STPG1: variants seen among roughly 807,000 people sequenced by gnomAD.
STPG1 encodes O(6)-methylguanine-induced apoptosis 2.
Under a neutral mutation model 40.1 loss-of-function variants are expected in STPG1, and 33 were observed. That is an observed-to-expected ratio of 0.82 (90% confidence interval 0.62 to 1.10). The LOEUF (loss-of-function observed/expected upper bound fraction) is 1.10, where lower values mean the gene tolerates loss of function less well. STPG1 is among the 50% of genes least tolerant of loss of function. The pLI is 0.00. For synonymous variants in STPG1, 150 were observed against 155.0 expected (o/e 0.97, Z 0.24); for missense variants, 396 against 415.1 (o/e 0.95, Z 0.40).
At chr1:24,395,786 G>A (rs1351457475) in intron 2 of STPG1, among the ~76,000 whole-genome samples, 2 of 151,954 alleles carry the variant, frequency 1.3e-5, no homozygotes, top group Non-Finnish European at 2.9e-5. Context: ...ATTACTGGCC[G>A]GGTGTGGTAG....
intron 7 of STPG1, among the ~76,000 whole-genome samples, chr1:24,361,553 C>T (rs1460869287): frequency 3.3e-5 from 5 of 152,242 alleles, no homozygotes; most frequent in South Asian, 4.2e-4. Flanking sequence ...GATTTGCCAT[C>T]CCAAGACCAG....
chr1:24,402,416 G>A (rs539070331), intron 1 of STPG1, among the ~76,000 whole-genome samples: 1 of 145,660 alleles, frequency 6.9e-6, no homozygotes, highest in East Asian at 2.1e-4. Flanking sequence ...ATATTTTCAT[G>A]TGCTTATTTA....
chr1:24,412,789 C>T (rs150398849), intron 1 of STPG1, among the ~76,000 whole-genome samples: 114 of 152,300 alleles, frequency 7.5e-4, no homozygotes, highest in Non-Finnish European at 1.2e-3. Context: ...TAGAGGTAGA[C>T]ACCTTTTAGC....
chr1:24,397,374 A>G (rs946696153), intron 2 of STPG1, among the ~76,000 whole-genome samples: 1 of 152,190 alleles, frequency 6.6e-6, no homozygotes, highest in African/African-American at 2.4e-5. Flanking sequence ...AATTCCATAC[A>G]AGCTGTCCCA....
intron 7 of STPG1, among the ~76,000 whole-genome samples, chr1:24,362,298 G>T (rs1292657663): frequency 6.6e-6 from 1 of 152,174 alleles, no homozygotes; most frequent in East Asian, 1.9e-4. Context: ...CAAAGTAACC[G>T]ATCCAGTTAT....
intron 7 of STPG1, 78 bp from the exon 8 acceptor site, chr1:24,361,119 C>A: frequency 7.6e-7 from 1 of 1,309,624 alleles, no homozygotes; most frequent in South Asian, 1.5e-5. Flanking sequence ...ACAGCCAAGA[C>A]CTGCACAGCA....
chr1:24,382,157 T>G (rs1012059835), intron 4 of STPG1, among the ~76,000 whole-genome samples: 1 of 152,284 alleles, frequency 6.6e-6, no homozygotes, highest in Admixed American at 6.5e-5. Flanking sequence ...CCCCTTCTCC[T>G]CCAGATAGTC....
intron 5 of STPG1, 177 bp downstream of exon 5, chr1:24,379,476 G>A (rs185891754): frequency 4.5e-5 from 29 of 642,710 alleles, no homozygotes; most frequent in Middle Eastern, 4.3e-4. Context: ...GATCTCTGGG[G>A]TCTGCAAATT....
At position 24,357,889 on chromosome 1, in the gene STPG1, C is replaced by A; in HGVS notation, c.*654G>T. 3.1e-6 allele frequency: 1 copy of A among 320,126 alleles called. No individual in the cohort carries two copies. The highest frequency in any genetic ancestry group is 5.5e-4 in the Middle Eastern group (1 of 1,830). 19.8% of individuals were successfully genotyped at this position (320,126 alleles called of 1,614,324 possible). A position where few individuals can be genotyped will look rare whatever the true frequency, so the allele number is the denominator to read the frequency against. On this transcript the variant is annotated 3_prime_UTR_variant, in exon 9 of 9. Transcript: ENST00000337248. Reference sequence around the variant, plus strand: ...TCAGGGAAAAGCGCAGCCCCCGGGCCCGGCCACTGCCATTCCAAGATGATC... The same window carrying A: ...TCAGGGAAAAGCGCAGCCCCCGGGCACGGCCACTGCCATTCCAAGATGATC...
intron 4 of STPG1, among the ~76,000 whole-genome samples, chr1:24,382,620 T>C (rs1211108997): frequency 6.6e-6 from 1 of 152,222 alleles, no homozygotes; most frequent in Admixed American, 6.5e-5. Context: ...GGTAGAGGCA[T>C]GGCTGTTCTG....
chr1:24,377,542 A>G (rs748068976), intron 5 of STPG1, among the ~76,000 whole-genome samples: 13 of 152,032 alleles, frequency 8.6e-5, no homozygotes, highest in Non-Finnish European at 1.6e-4. Flanking sequence ...TCAGTCTCGG[A>G]GCCTTCTCTG....
In STPG1 at chr1:24,357,121, T is replaced by C. The variant is rs1309962657; in HGVS notation, c.*1422A>G. The C allele has an allele frequency of 6.9e-6, 1 of 144,912 alleles. No homozygotes were observed. Among genetic ancestry groups the C allele is most frequent in the African/African-American group, 2.5e-5 (1 of 40,036 alleles). 9.0% of individuals were successfully genotyped at this position (144,912 alleles called of 1,614,324 possible). On this transcript the variant is annotated 3_prime_UTR_variant, in exon 9 of 9. Coordinates refer to ENST00000337248, the MANE Select transcript of STPG1 (RefSeq NM_001199013.2). ...AAAGACAGGATTCGTATTACTGATG[T>C]TTCCTTTTGCCTCGGGTTCCCATTA... is the stretch of plus-strand genomic sequence containing the variant.
chr1:24,368,435 C>T (rs562750938), intron 7 of STPG1, among the ~76,000 whole-genome samples: 1 of 152,250 alleles, frequency 6.6e-6, no homozygotes, highest in South Asian at 2.1e-4. Flanking sequence ...GGCCAGCCCT[C>T]CCAGTGGCCA....
chr1:24,398,344 C>A (rs1643088202), intron 2 of STPG1, among the ~76,000 whole-genome samples: 1 of 151,972 alleles, frequency 6.6e-6, no homozygotes, highest in Non-Finnish European at 1.5e-5. Context: ...CTTTGTTAAT[C>A]TGATAAAAGG....
chr1:24,369,727 A>C lies in STPG1; in HGVS notation c.684T>G (p.Pro228=), dbSNP rs370538982. The change falls in exon 7 of 9, where the codon CCT becomes CCG. Residue 228 remains proline (P), a synonymous_variant. Transcript: ENST00000337248. The stretch of plus-strand genomic sequence containing the variant: ...TGCAATCACTGGGGTTGTAATAACC[A>C]GGTCCCGGGCCTGTTGACGTCAGTT... ...GLKLTSTGPG[P]GYYNPSDCTK... 11 of 1,611,344 alleles carry C rather than the reference A, an allele frequency of 6.8e-6. No individual in the cohort carries two copies. The African/African-American group carries it at 1.5e-4, about 21-fold the overall frequency.
In STPG1 at chr1:24,408,045, T is replaced by C. The variant is rs76950789; in HGVS notation, c.-69+5629A>G. Among the ~76,000 whole-genome samples, 774 of 152,358 alleles carry C rather than the reference T, an allele frequency of 5.1e-3. 6 individuals carry two copies. The highest frequency in any genetic ancestry group is 9.5e-3 in the South Asian group (46 of 4,828). Reference sequence around the variant, plus strand: ...ATGTCTGGTAATTTTGTATTAGATATTGGACATTTTGAATTTTACATTGCT... The same window carrying C: ...ATGTCTGGTAATTTTGTATTAGATACTGGACATTTTGAATTTTACATTGCT... On this transcript the variant is annotated intron_variant, in intron 1 of 8. Coordinates refer to ENST00000337248, the MANE Select transcript of STPG1 (RefSeq NM_001199013.2).
At chr1:24,378,621 G>A (rs994220046) in intron 5 of STPG1, among the ~76,000 whole-genome samples, 11 of 152,038 alleles carry the variant, frequency 7.2e-5, no homozygotes, top group South Asian at 2.1e-4. Flanking sequence ...GCAAGACTCC[G>A]TCTCAAAAAA....
At chr1:24,404,967 C>G (rs921104372) in intron 1 of STPG1, among the ~76,000 whole-genome samples, 2 of 151,998 alleles carry the variant, frequency 1.3e-5, no homozygotes, top group Admixed American at 1.3e-4. Context: ...CTCTTTCTAG[C>G]TTTTTAGGTG....
chr1:24,380,740 G>A (rs913685706), intron 4 of STPG1, among the ~76,000 whole-genome samples: 12 of 152,292 alleles, frequency 7.9e-5, no homozygotes, highest in Non-Finnish European at 8.8e-5. Context: ...CACCAGAAGC[G>A]GGAGTGTTCT....
Sources: allele counts gnomAD v4.1 joint callset (sites outside exome capture counted in the v4.1 genomes callset), GRCh38; gene constraint gnomAD v4.1.1; transcripts MANE v1.5; gene names NCBI Gene and HGNC (gene_info 2026-07-23, HGNC 2026-07-21).